Variants in COCH observed in about 807,000 individuals in gnomAD.
COCH encodes cochlin.
In COCH, 40 loss-of-function variants were observed where a neutral mutation model predicts 54.8. The ratio of observed to expected loss-of-function variants is 0.73; its 90% CI spans 0.57 to 0.95. The LOEUF (loss-of-function observed/expected upper bound fraction) is 0.95. Among genes scored for constraint, COCH ranks in the 40% least tolerant of loss-of-function variants. The pLI is 0.00. For synonymous variants in COCH, 256 were observed against 237.9 expected, an observed-to-expected ratio of 1.08 and a Z score of -0.70; for missense variants, 605 against 675.0, an observed-to-expected ratio of 0.90 and a Z score of 1.15.
At chr14:30,888,954 A>G (rs1221952076) in intron 11 of COCH, among the ~76,000 whole-genome samples, 1 of 152,164 alleles carries the variant, frequency 6.6e-6, no homozygotes, top group Admixed American at 6.5e-5. Context: ...AAATTACTCC[A>G]GTTTCATAAG....
At chr14:30,874,892 G>A (rs1566404594) in intron 1 of COCH, 24 bp from the exon 2 acceptor site, 3 of 1,611,090 alleles carry the variant, frequency 1.9e-6, no homozygotes, top group Non-Finnish European at 1.7e-6. Context: ...CCCTGGCCTT[G>A]CCCGCATTCT....
chr14:30,874,995 C>T (rs1247764927), intron 2 of COCH, 23 bp downstream of exon 2: 10 of 1,613,144 alleles, frequency 6.2e-6, no homozygotes, highest in Non-Finnish European at 7.6e-6. Flanking sequence ...CCCTCACGAC[C>T]CCGGCCCCTT....
intron 8 of COCH, among the ~76,000 whole-genome samples, chr14:30,882,129 T>TTTTTG (rs1253574256): frequency 9.6e-6 from 1 of 103,666 alleles, no homozygotes; most frequent in African/African-American, 3.6e-5. Flanking sequence ...GGTTTTTTTT[T>TTTTTG]TTTTTTTTTT....
rs1594374417 is a variant in COCH at position 30,879,483 on chromosome 14, C to T, written c.434C>T (p.Thr145Ile). The T allele has an allele frequency of 1.9e-6, 3 of 1,614,046 alleles. No individual in the cohort carries two copies. The highest frequency in any genetic ancestry group is 2.5e-6 in the Non-Finnish European group (3 of 1,179,936). The stretch of plus-strand genomic sequence containing the variant: ...GCAGTGTCCACAGCACATCCACCAA[C>T]AGGTATGAACTATGAAACCTATCTC... ...GQAVSTAHPP[T>I]GKRLKKTPEK... The change falls in exon 6 of 12, where the codon ACA (threonine) becomes ATA (isoleucine). Residue 145 changes from threonine (T) to isoleucine (I), a missense_variant and splice_region_variant. Coordinates refer to ENST00000396618, the MANE Select transcript of COCH (RefSeq NM_004086.3).
rs1895465065 is a variant in COCH, at chr14:30,878,803, T to C, written c.240-8T>C. On this transcript the variant is annotated splice_polypyrimidine_tract_variant and splice_region_variant and intron_variant, in intron 4 of 11. Transcript: ENST00000396618. ...GATAGCATCTCAGCTGCTATTCTTGTGTTACAGGGGAGTAATCAGCAACTC... is the reference window on the plus strand; with the variant it reads ...GATAGCATCTCAGCTGCTATTCTTGCGTTACAGGGGAGTAATCAGCAACTC... 1 of 1,614,072 alleles carries C rather than the reference T, an allele frequency of 6.2e-7. No individual in the cohort carries two copies. The highest frequency in any genetic ancestry group is 1.7e-5 in the Admixed American group (1 of 60,004).
At chr14:30,882,473 A>G (rs976457579) in intron 8 of COCH, among the ~76,000 whole-genome samples, 3 of 152,084 alleles carry the variant, frequency 2.0e-5, no homozygotes, top group Non-Finnish European at 4.4e-5. Context: ...TATTTTTTAA[A>G]AACTCAGACT....
At chr14:30,880,876 C>T (rs1248466607) in intron 8 of COCH, 142 bp downstream of exon 8, 29 of 704,004 alleles carry the variant, frequency 4.1e-5, no homozygotes, top group South Asian at 8.2e-5. Context: ...ATTAGCATAT[C>T]CATCACCTCA....
At chr14:30,881,167 A>G (rs559157442) in intron 8 of COCH, among the ~76,000 whole-genome samples, 1 of 148,762 alleles carries the variant, frequency 6.7e-6, no homozygotes, top group East Asian at 2.0e-4. Flanking sequence ...ATGAGCCGAG[A>G]TTGCACCACT....
chr14:30,875,267 C>T, intron 3 of COCH, 164 bp downstream of exon 3: 1 of 954,000 alleles, frequency 1.0e-6, no homozygotes, highest in Middle Eastern at 3.3e-4. Context: ...CCCCTGCAGC[C>T]GATCTGCTCC....
chr14:30,891,569 G>A (rs578199607), downstream of COCH, among the ~76,000 whole-genome samples: 1 of 152,242 alleles, frequency 6.6e-6, no homozygotes, highest in South Asian at 2.1e-4. Flanking sequence ...AAACATGACT[G>A]AATCATGTAA....
rs1277690265 is a variant in COCH at position 30,877,807 on chromosome 14, T to C, written c.239+79T>C. On this transcript the variant is annotated intron_variant, in intron 4 of 11. Coordinates refer to ENST00000396618, the MANE Select transcript of COCH (RefSeq NM_004086.3). This position sits in a 1 kb window ranked among gnomAD's most constrained non-coding sequence, Gnocchi z 8.6. Reference sequence around the variant, plus strand: ...TCCTGCTTTACCCATCTGGATCCCTTTCCTCCCTGCATTCTTTCTTTTGTT... The same window carrying C: ...TCCTGCTTTACCCATCTGGATCCCTCTCCTCCCTGCATTCTTTCTTTTGTT... The C allele has an allele frequency of 7.6e-6, 12 of 1,569,836 alleles. No individual in the cohort carries two copies. Among genetic ancestry groups the C allele is most frequent in the Non-Finnish European group, 1.0e-5 (12 of 1,163,818 alleles).
At chr14:30,893,374 G>C (rs968084694), downstream of COCH, among the ~76,000 whole-genome samples, 1 of 151,830 alleles carries the variant, frequency 6.6e-6, no homozygotes, top group Non-Finnish European at 1.5e-5. Context: ...GGATGGTCTT[G>C]ATCTCCTGAC....
chr14:30,880,489 C>A lies in COCH; in HGVS notation c.474C>A (p.Gly158=), dbSNP rs759246142. 3 of 1,614,038 alleles carry A rather than the reference C, an allele frequency of 1.9e-6. No individual in the cohort carries two copies. In the Admixed American group the frequency reaches 5.0e-5, roughly 27 times the overall value. ...AGAAAACACCCGAGAAGAAAACTGGCAATAAAGGTAAGAATCAAGATCTCC... is the reference window on the plus strand; with the variant it reads ...AGAAAACACCCGAGAAGAAAACTGGAAATAAAGGTAAGAATCAAGATCTCC... The part of the protein sequence containing the change: ...RLKKTPEKKT[G]NKDCKADIAF... The change falls in exon 7 of 12, where the codon GGC becomes GGA. Residue 158 remains glycine (G), a synonymous_variant. Transcript: ENST00000396618.
At chr14:30,885,195 G>A (rs1895741454) in intron 9 of COCH, 199 bp from the exon 10 acceptor site, 2 of 1,063,800 alleles carry the variant, frequency 1.9e-6, no homozygotes, top group Non-Finnish European at 2.7e-6. Flanking sequence ...AGATAAATAG[G>A]CCTGGTAGAT....
At chr14:30,883,521 G>T (rs1895683291) in intron 8 of COCH, among the ~76,000 whole-genome samples, 1 of 152,186 alleles carries the variant, frequency 6.6e-6, no homozygotes, top group Admixed American at 6.5e-5. Flanking sequence ...TAGTTGAAAA[G>T]TGACCACAAG....
chr14:30,881,803 A>T (rs748717597), intron 8 of COCH, among the ~76,000 whole-genome samples: 1 of 77,300 alleles, frequency 1.3e-5, no homozygotes, highest in Admixed American at 1.3e-4. Context: ...CTAAAAATAC[A>T]AAAAAAAAAA....
rs1895938804 is a variant in COCH at position 30,890,301 on chromosome 14, T to G, written c.*510T>G. 1 of 985,778 alleles carries G rather than the reference T, an allele frequency of 1.0e-6. No homozygotes were observed. The highest frequency in any genetic ancestry group is 4.7e-5 in the South Asian group (1 of 21,310). 61.1% of individuals were successfully genotyped at this position (985,778 alleles called of 1,614,324 possible). A position where few individuals can be genotyped will look rare whatever the true frequency, so the allele number is the denominator to read the frequency against. On this transcript the variant is annotated 3_prime_UTR_variant, in exon 12 of 12. Coordinates refer to ENST00000396618, the MANE Select transcript of COCH (RefSeq NM_004086.3). ...ATAATAGCTAGCTATTACTGCAGAC[T>G]ATAAAATCTGGATATAGAAAGGAGA... is the stretch of plus-strand genomic sequence containing the variant.
In COCH at chr14:30,885,589, G is replaced by A; in HGVS notation, c.929G>A (p.Gly310Glu). 6.2e-7 allele frequency: 1 copy of A among 1,604,164 alleles called. No homozygotes were observed. Among genetic ancestry groups the A allele is most frequent in the Non-Finnish European group, 8.5e-7 (1 of 1,170,986 alleles). ...SVAKPIPEEL[G>E]MVQDVTFVDK... is the part of the protein sequence containing the mutation. ...GCCAAGCCTATCCCTGAAGAACTGG[G>A]GATGGTTCAGGATGTCACATTTGTT... The change falls in exon 10 of 12, where the codon GGG (glycine) becomes GAG (glutamate). Residue 310 changes from glycine (G) to glutamate (E), a missense_variant. By Grantham distance (98) the Gly-to-Glu change is moderately conservative (BLOSUM62 -2). Coordinates refer to ENST00000396618, the MANE Select transcript of COCH (RefSeq NM_004086.3).
downstream of COCH, among the ~76,000 whole-genome samples, chr14:30,893,338 G>A (rs1184240300): frequency 1.3e-5 from 2 of 151,700 alleles, no homozygotes; most frequent in Admixed American, 6.6e-5. Context: ...GTTTTTAGTA[G>A]AGACGGGGTT....
Sources: allele counts gnomAD v4.1 joint callset (sites outside exome capture counted in the v4.1 genomes callset), GRCh38; gene constraint gnomAD v4.1.1; non-coding constraint Gnocchi (gnomAD v3.1); transcripts MANE v1.5; gene names NCBI Gene and HGNC (gene_info 2026-07-23, HGNC 2026-07-21).